The following DENND2A variants were observed in gnomAD, a reference collection of about 807,000 sequenced individuals.
DENND2A encodes DENN domain containing 2A, also known as DENN domain-containing protein 2A.
In DENND2A, 53 loss-of-function variants were observed where a neutral mutation model predicts 105.3. The observed-to-expected ratio is 0.50, with a 90% CI of 0.40 to 0.63. The LOEUF is 0.63. Among genes scored for constraint, DENND2A ranks in the 30% least tolerant of loss-of-function variants. DENND2A has a pLI of 0.00. For synonymous variants in DENND2A, 522 were observed against 508.4 expected (o/e 1.03, Z -0.36); for missense variants, 1,138 against 1,279.6 (o/e 0.89, Z 1.69).
intron 14 of DENND2A, among the ~76,000 whole-genome samples, chr7:140,536,029 C>A (rs2130495739): frequency 6.6e-6 from 1 of 152,200 alleles, no homozygotes; most frequent in African/African-American, 2.4e-5. Flanking sequence ...CAAGACAGAA[C>A]AAAAGAATGA....
intron 1 of DENND2A, among the ~76,000 whole-genome samples, chr7:140,613,377 T>C (rs1799969717): frequency 6.6e-6 from 1 of 150,878 alleles, no homozygotes; most frequent in Non-Finnish European, 1.5e-5. Context: ...CCATCTCTAC[T>C]AAAAATAGAA....
At chr7:140,542,862 G>A (rs949605889) in intron 14 of DENND2A, among the ~76,000 whole-genome samples, 2 of 152,030 alleles carry the variant, frequency 1.3e-5, no homozygotes, top group African/African-American at 4.8e-5. Context: ...CACCGCGCCT[G>A]GCCTACTTTA....
intron 14 of DENND2A, among the ~76,000 whole-genome samples, chr7:140,533,575 G>C (rs1262238535): frequency 6.6e-6 from 1 of 152,230 alleles, no homozygotes; most frequent in Admixed American, 6.5e-5. Context: ...GCAGAGGCTG[G>C]TGGAGAAACG....
intron 3 of DENND2A, among the ~76,000 whole-genome samples, chr7:140,589,234 A>C (rs73736632): frequency 0.023 from 3,502 of 152,284 alleles, 139 homozygotes; most frequent in African/African-American, 0.08. Flanking sequence ...GGGAAGCTGC[A>C]TTCACAGGCT....
At chr7:140,635,075 C>T (rs537140443) in intron 1 of DENND2A, among the ~76,000 whole-genome samples, 1 of 152,018 alleles carries the variant, frequency 6.6e-6, no homozygotes, top group Admixed American at 6.6e-5. Context: ...CCAGCCTGGG[C>T]AACATGGGGA....
Position 140,609,898 on chromosome 7 carries a change from C to T in DENND2A, c.-247-4092G>A, listed in dbSNP as rs138479282. ...TGAATTGATTATTCACAGTCAGTTA[C>T]GCATCCAACTCTTTATTCTACTCTT... On this transcript the variant is annotated intron_variant, in intron 1 of 19. Coordinates refer to ENST00000496613, the MANE Select transcript of DENND2A (RefSeq NM_015689.5). 6 of 152,244 alleles carry T rather than the reference C, an allele frequency of 3.9e-5. No individual in the cohort carries two copies. In the East Asian group the frequency reaches 5.8e-4, roughly 15 times the overall value. The allele number at this position is 152,244 out of a possible 1,614,324, so 9.4% of individuals were successfully genotyped here.
intron 3 of DENND2A, among the ~76,000 whole-genome samples, chr7:140,594,443 C>T (rs926807028): frequency 6.6e-6 from 1 of 152,116 alleles, no homozygotes; most frequent in Non-Finnish European, 1.5e-5. Flanking sequence ...ACTGAACGTC[C>T]ACTCCCCACC....
At chr7:140,551,015 T>C (rs987490086) in intron 12 of DENND2A, among the ~76,000 whole-genome samples, 6 of 151,604 alleles carry the variant, frequency 4.0e-5, no homozygotes, top group South Asian at 2.1e-4. Context: ...AAAAAAAAGC[T>C]TGTGGCCGGG....
intron 1 of DENND2A, among the ~76,000 whole-genome samples, chr7:140,622,920 G>A (rs1800350432): frequency 1.3e-5 from 2 of 152,158 alleles, no homozygotes; most frequent in African/African-American, 4.8e-5. Context: ...CTGGAGCTGA[G>A]TAAACTTTGG....
At position 140,565,895 on chromosome 7, in the gene DENND2A, C is replaced by T. The variant is rs2130589423; in HGVS notation, c.1779+1191G>A. On this transcript the variant is annotated intron_variant, in intron 9 of 19. Coordinates refer to ENST00000496613, the MANE Select transcript of DENND2A (RefSeq NM_015689.5). ...ACCTCTGGTAGTCCTCACTGCTACA[C>T]TCCCACCAGCATCATGACAGTTTAC... is the stretch of plus-strand genomic sequence containing the variant. 1.3e-5 allele frequency among the ~76,000 whole-genome samples: 2 copies of T among 152,274 alleles called. 1 individual carries two copies. Among genetic ancestry groups the T allele is most frequent in the South Asian group, 4.1e-4 (2 of 4,824 alleles).
chr7:140,522,183 A>G (rs1795885234), intron 17 of DENND2A, 83 bp from the exon 18 acceptor site: 3 of 1,541,174 alleles, frequency 1.9e-6, no homozygotes, highest in African/African-American at 1.4e-5. Flanking sequence ...TTGGTAATCA[A>G]AGAACAGTAA....
At chr7:140,590,793 GC>G (rs1798984683) in intron 3 of DENND2A, among the ~76,000 whole-genome samples, 1 of 151,846 alleles carries the variant, frequency 6.6e-6, no homozygotes, top group Non-Finnish European at 1.5e-5. Flanking sequence ...GATCCCTTGA[GC>G]CTAGGAGGCA....
intron 1 of DENND2A, among the ~76,000 whole-genome samples, chr7:140,608,845 C>G (rs1799786072): frequency 6.6e-6 from 1 of 152,238 alleles, no homozygotes; most frequent in African/African-American, 2.4e-5. Context: ...CAGTTCCAGT[C>G]AACCTGGGGA....
At chr7:140,520,758 C>A (rs149424532) in intron 18 of DENND2A, among the ~76,000 whole-genome samples, 1,669 of 151,338 alleles carry the variant, frequency 0.011, 33 homozygotes, top group African/African-American at 0.036. Flanking sequence ...AGGGTTTCAC[C>A]AAGTTGGCCA....
In DENND2A at chr7:140,523,452, T is replaced by C. The variant is rs1369522171; in HGVS notation, c.2548-28A>G. ...GGAAAGCAGAGGTAGCAGGTGGGCT[T>C]ATGGGCACGGTGGCTGCGTCTTGGC... On this transcript the variant is annotated intron_variant, in intron 16 of 19. Transcript: ENST00000496613. This position sits in a 1 kb window ranked among gnomAD's most constrained non-coding sequence, Gnocchi z 4.5. 9.3e-6 allele frequency: 15 copies of C among 1,605,826 alleles called. No individual in the cohort carries two copies. The highest frequency in any genetic ancestry group is 1.2e-5 in the Non-Finnish European group (14 of 1,172,890).
chr7:140,572,949 A>G (rs185463686), intron 6 of DENND2A, among the ~76,000 whole-genome samples: 31 of 152,196 alleles, frequency 2.0e-4, no homozygotes, highest in African/African-American at 7.2e-4. Flanking sequence ...CCCTCCTTAT[A>G]ACAGGAGGGA....
chr7:140,629,245 C>T (rs916191732), intron 1 of DENND2A, among the ~76,000 whole-genome samples: 6 of 152,216 alleles, frequency 3.9e-5, no homozygotes, highest in African/African-American at 7.2e-5. Flanking sequence ...GGAATACATT[C>T]GAACACGGTG....
At chr7:140,540,641 G>A (rs4260823) in intron 14 of DENND2A, among the ~76,000 whole-genome samples, 6,290 of 152,260 alleles carry the variant, frequency 0.041, 414 homozygotes, top group African/African-American at 0.14. Flanking sequence ...CTGTCCACCC[G>A]GAAATCTGTC....
intron 14 of DENND2A, among the ~76,000 whole-genome samples, chr7:140,531,829 A>AACG (rs1796282919): frequency 4.7e-5 from 7 of 149,738 alleles, no homozygotes. Context: ...GGAAAACAAC[A>AACG]ACAACAACAA....
Sources: gnomAD v4.1 joint callset for allele counts (sites outside exome capture counted in the v4.1 genomes callset) on GRCh38, gnomAD v4.1.1 for gene constraint, Gnocchi (gnomAD v3.1) non-coding constraint, MANE v1.5 for transcripts, NCBI Gene and HGNC (gene_info 2026-07-23, HGNC 2026-07-21) for gene names.